The following SAMD3 variants were observed in gnomAD, a reference collection of about 807,000 sequenced individuals.
SAMD3 encodes sterile alpha motif domain containing 3, also known as sterile alpha motif domain-containing protein 3.
A neutral mutation model predicts 58.5 loss-of-function variants in SAMD3; 63 were observed. That is an observed-to-expected ratio of 1.08 (90% confidence interval 0.88 to 1.33). The LOEUF (loss-of-function observed/expected upper bound fraction) is 1.33, where lower values mean the gene tolerates loss of function less well. Among genes scored for constraint, SAMD3 ranks in the 40% most tolerant of loss-of-function variants. The probability of loss-of-function intolerance (pLI) is 0.00; values close to 1 mark genes in which losing one functional copy is unlikely to be tolerated. For missense variants in SAMD3, 604 were observed against 608.4 expected, an observed-to-expected ratio of 0.99 and a Z score of 0.08; for synonymous variants, 220 against 210.3, an observed-to-expected ratio of 1.05 and a Z score of -0.40.
At chr6:130,349,577 A>C (rs1777583759) in intron 1 of SAMD3, among the ~76,000 whole-genome samples, 1 of 152,216 alleles carries the variant, frequency 6.6e-6, no homozygotes, top group East Asian at 1.9e-4. Context: ...GGCAATAATT[A>C]ATAGCTTACC....
At chr6:130,220,089 C>T (rs1796156062) in intron 1 of SAMD3, among the ~76,000 whole-genome samples, 1 of 152,144 alleles carries the variant, frequency 6.6e-6, no homozygotes, top group East Asian at 1.9e-4. Flanking sequence ...GCAACCTCCA[C>T]CTCCCGGATT....
chr6:130,302,729 A>G (rs998230637), intron 2 of SAMD3, among the ~76,000 whole-genome samples: 1 of 152,226 alleles, frequency 6.6e-6, no homozygotes, highest in East Asian at 1.9e-4. Flanking sequence ...CATATGCACC[A>G]TGGAATACTA....
intron 2 of SAMD3, among the ~76,000 whole-genome samples, chr6:130,284,917 G>C (rs1775105196): frequency 6.6e-6 from 1 of 152,214 alleles, no homozygotes; most frequent in African/African-American, 2.4e-5. Context: ...CTATGGGGGA[G>C]ATAAATGCTT....
intron 2 of SAMD3, among the ~76,000 whole-genome samples, chr6:130,297,813 C>T (rs559519217): frequency 6.6e-6 from 1 of 152,120 alleles, no homozygotes; most frequent in Non-Finnish European, 1.5e-5. Context: ...CTTTTGAATT[C>T]ACCCAGTCAG....
At chr6:130,290,028 T>C (rs1321589299) in intron 2 of SAMD3, among the ~76,000 whole-genome samples, 1 of 138,988 alleles carries the variant, frequency 7.2e-6, no homozygotes, top group East Asian at 2.4e-4. Flanking sequence ...AAAATGTTAA[T>C]AATGCTTGTT....
chr6:130,315,132 C>T (rs1051160275), intron 1 of SAMD3, among the ~76,000 whole-genome samples: 26 of 151,152 alleles, frequency 1.7e-4, no homozygotes, highest in African/African-American at 5.9e-4. Context: ...ATATTTTTGG[C>T]TTATATTGGC....
At chr6:130,190,790 G>A (rs142908254) in intron 5 of SAMD3, among the ~76,000 whole-genome samples, 261 of 151,976 alleles carry the variant, frequency 1.7e-3, no homozygotes, top group African/African-American at 5.2e-3. Context: ...CATAAACACC[G>A]ATTTAATCAT....
chr6:130,292,585 C>T (rs573499720), intron 2 of SAMD3, among the ~76,000 whole-genome samples: 1 of 151,092 alleles, frequency 6.6e-6, no homozygotes, highest in Non-Finnish European at 1.5e-5. Context: ...CCATGCCCGG[C>T]CCGGAACAAC....
intron 9 of SAMD3, among the ~76,000 whole-genome samples, chr6:130,151,788 C>T (rs991259631): frequency 6.6e-6 from 1 of 152,054 alleles, no homozygotes; most frequent in African/African-American, 2.4e-5. Context: ...TTCTCACGTA[C>T]TTCACTTAAA....
chr6:130,321,876 C>T (rs189210250), intron 1 of SAMD3, among the ~76,000 whole-genome samples: 271 of 152,226 alleles, frequency 1.8e-3, no homozygotes, highest in Non-Finnish European at 3.3e-3. Context: ...ATATTCAGAC[C>T]TCAACTCAAG....
At chr6:130,236,586 G>T (rs1284309308) in intron 2 of SAMD3, among the ~76,000 whole-genome samples, 1 of 152,092 alleles carries the variant, frequency 6.6e-6, no homozygotes, top group Non-Finnish European at 1.5e-5. Context: ...GTTTCACCAT[G>T]TTGGCCAGGC....
chr6:130,270,683 C>A (rs1025949469), intron 2 of SAMD3, among the ~76,000 whole-genome samples: 1 of 152,172 alleles, frequency 6.6e-6, no homozygotes, highest in Non-Finnish European at 1.5e-5. Context: ...TGCATATGGT[C>A]TTACAGATAC....
chr6:130,250,895 C>A (rs1583007085), intron 2 of SAMD3, among the ~76,000 whole-genome samples: 1 of 152,176 alleles, frequency 6.6e-6, no homozygotes, highest in African/African-American at 2.4e-5. Flanking sequence ...ACTGCTGCTA[C>A]AAACATGCAT....
intron 2 of SAMD3, among the ~76,000 whole-genome samples, chr6:130,302,444 T>C (rs1029706936): frequency 2.0e-5 from 3 of 152,116 alleles, no homozygotes; most frequent in Admixed American, 6.5e-5. Flanking sequence ...TTGGCAAAGA[T>C]ATGAAGAAAA....
chr6:130,176,342 G>A (rs1213865794), intron 7 of SAMD3, among the ~76,000 whole-genome samples: 3 of 152,160 alleles, frequency 2.0e-5, no homozygotes, highest in Non-Finnish European at 2.9e-5. Flanking sequence ...ACTATACTCT[G>A]TCTCCACAAC....
At chr6:130,254,728 G>A (rs1273294763) in intron 2 of SAMD3, among the ~76,000 whole-genome samples, 1 of 152,152 alleles carries the variant, frequency 6.6e-6, no homozygotes, top group Non-Finnish European at 1.5e-5. Context: ...CTTTTCTTGT[G>A]ATATCTTTGT....
intron 2 of SAMD3, among the ~76,000 whole-genome samples, chr6:130,267,254 C>T (rs2114931331): frequency 6.6e-6 from 1 of 152,278 alleles, no homozygotes; most frequent in South Asian, 2.1e-4. Context: ...TGGTTCCCAG[C>T]ACTAGGAGGA....
At chr6:130,150,359 G>C (rs143979516) in intron 9 of SAMD3, among the ~76,000 whole-genome samples, 1 of 152,288 alleles carries the variant, frequency 6.6e-6, no homozygotes, top group African/African-American at 2.4e-5. Flanking sequence ...ATACAGTGCA[G>C]TTTCTTCCAT....
chr6:130,193,853 A>G (rs896995665), intron 5 of SAMD3, among the ~76,000 whole-genome samples: 1 of 152,116 alleles, frequency 6.6e-6, no homozygotes, highest in Non-Finnish European at 1.5e-5. Flanking sequence ...TCTTTTACAC[A>G]TCAGTCCCTT....
Sources: allele counts gnomAD v4.1 joint callset (sites outside exome capture counted in the v4.1 genomes callset), GRCh38; gene constraint gnomAD v4.1.1; transcripts MANE v1.5; gene names NCBI Gene and HGNC (gene_info 2026-07-23, HGNC 2026-07-21).